The following RANBP3L variants were observed in gnomAD, a reference collection of about 807,000 sequenced individuals.
RANBP3L encodes RAN binding protein 3 like, also known as ran-binding protein 3-like.
Under a neutral mutation model 67.2 loss-of-function variants are expected in RANBP3L, and 56 were observed. The observed-to-expected ratio is 0.83, with a 90% confidence interval of 0.67 to 1.04. RANBP3L has a LOEUF of 1.04. Among genes scored for constraint, RANBP3L ranks in the 50% least tolerant of loss-of-function variants. The pLI is 0.00. For synonymous variants in RANBP3L, 164 were observed against 181.4 expected (o/e 0.90, Z 0.77); for missense variants, 496 against 535.5 (o/e 0.93, Z 0.73).
rs1381105872 is a variant in RANBP3L at position 36,269,935 on chromosome 5, G to A, written c.190+16C>T. ...GTATAAAGATTGATTTTGGAATACAGGATGAAAATCATTACCTGGTTCTGC... is the reference window on the plus strand; with the variant it reads ...GTATAAAGATTGATTTTGGAATACAAGATGAAAATCATTACCTGGTTCTGC... On this transcript the variant is annotated intron_variant, in intron 3 of 13. Transcript: ENST00000296604. 6 of 1,607,482 alleles carry A rather than the reference G, an allele frequency of 3.7e-6. No individual in the cohort carries two copies. Among genetic ancestry groups the A allele is most frequent in the South Asian group, 2.2e-5 (2 of 90,958 alleles).
At chr5:36,252,135 G>A (rs1210746637) in intron 12 of RANBP3L, among the ~76,000 whole-genome samples, 1 of 151,934 alleles carries the variant, frequency 6.6e-6, no homozygotes, top group Admixed American at 6.6e-5. Flanking sequence ...CAAAATATAA[G>A]CAGCACAGGT....
Position 36,251,367 on chromosome 5 carries a change from C to G in RANBP3L, c.1300G>C (p.Glu434Gln), listed in dbSNP as rs745462557. The G allele has an allele frequency of 6.2e-7, 1 of 1,613,342 alleles. No individual in the cohort carries two copies. Residue 434 changes from glutamate to glutamine, a missense_variant, in exon 13 of 14, where the codon GAA becomes CAA. Glu to Gln is a conservative substitution (Grantham distance 29, BLOSUM62 2). Coordinates refer to ENST00000296604, the MANE Select transcript of RANBP3L (RefSeq NM_145000.5). The stretch of plus-strand genomic sequence containing the variant: ...TCATCCTCATTCTCATCACAGCTTT[C>G]GCAGTTCAATTGTTGGGCTGTTTCT... Reference protein sequence around the residue: ...LSETAQQLNCESCDENEDDFI... With the variant: ...LSETAQQLNCQSCDENEDDFI...
chr5:36,285,500 C>A (rs902111436), intron 1 of RANBP3L, among the ~76,000 whole-genome samples: 53 of 152,318 alleles, frequency 3.5e-4, no homozygotes, highest in African/African-American at 1.3e-3. Flanking sequence ...CAGGATCAGC[C>A]TCCTGAATTT....
chr5:36,257,672 T>A, intron 8 of RANBP3L, 116 bp from the exon 9 acceptor site: 1 of 465,516 alleles, frequency 2.1e-6, no homozygotes, highest in Non-Finnish European at 3.9e-6. Flanking sequence ...CAAACCTAGC[T>A]GGTATGTTTT....
chr5:36,287,799 A>G (rs997945014), intron 1 of RANBP3L, among the ~76,000 whole-genome samples: 18 of 152,238 alleles, frequency 1.2e-4, no homozygotes, highest in Non-Finnish European at 7.3e-5. Flanking sequence ...TAAAAGCAAC[A>G]ATAAAATACC....
At chr5:36,300,073 T>C (rs1402061804) in intron 1 of RANBP3L, among the ~76,000 whole-genome samples, 1 of 152,150 alleles carries the variant, frequency 6.6e-6, no homozygotes, top group Non-Finnish European at 1.5e-5. Flanking sequence ...ATATTAGCAA[T>C]TGAAGTGGGG....
rs1336649492 is a variant in RANBP3L, at chr5:36,248,531, G to A, written c.*1123C>T. Reference sequence around the variant, plus strand: ...AAAATGTGTGTTTGCATATCCAAATGAATATTGTTCTTCGAAGCATCACTT... The same window carrying A: ...AAAATGTGTGTTTGCATATCCAAATAAATATTGTTCTTCGAAGCATCACTT... On this transcript the variant is annotated 3_prime_UTR_variant, in exon 14 of 14. Coordinates refer to ENST00000296604, the MANE Select transcript of RANBP3L (RefSeq NM_145000.5). The A allele has an allele frequency of 1.3e-5, 2 of 152,086 alleles. No homozygotes were observed. The highest frequency in any genetic ancestry group is 2.9e-5 in the Non-Finnish European group (2 of 67,992). 9.4% of individuals were successfully genotyped at this position (152,086 alleles called of 1,614,324 possible).
intron 4 of RANBP3L, among the ~76,000 whole-genome samples, chr5:36,268,666 A>C (rs1749981977): frequency 6.6e-6 from 1 of 152,110 alleles, no homozygotes; most frequent in African/African-American, 2.4e-5. Context: ...GTGTATGATA[A>C]AATTATTTTC....
chr5:36,297,226 G>A (rs1752280516), intron 1 of RANBP3L, among the ~76,000 whole-genome samples: 1 of 152,030 alleles, frequency 6.6e-6, no homozygotes. Context: ...AAACCATAAT[G>A]AAGAGAAATA....
Position 36,260,807 on chromosome 5 carries a change from A to G in RANBP3L, c.642T>C (p.Phe214=). 6.4e-7 allele frequency: 1 copy of G among 1,562,498 alleles called. No individual in the cohort carries two copies. Among genetic ancestry groups the G allele is most frequent in the Non-Finnish European group, 8.8e-7 (1 of 1,137,434 alleles). The change falls in exon 8 of 14, where the codon TTT becomes TTC. Residue 214 remains phenylalanine (F), a synonymous_variant. Coordinates refer to ENST00000296604, the MANE Select transcript of RANBP3L (RefSeq NM_145000.5). The part of the protein sequence containing the change: ...SFKSCSSNFV[F]GENMVERVLG... ...AAACTCTTTCTACCATGTTTTCTCC[A>G]AAAACAAAATTGGAACTGCAGCTTT...
At chr5:36,285,260 G>A (rs1298742803) in intron 1 of RANBP3L, among the ~76,000 whole-genome samples, 2 of 152,176 alleles carry the variant, frequency 1.3e-5, no homozygotes, top group Non-Finnish European at 2.9e-5. Context: ...GCATTACCAC[G>A]AAAGAATAAT....
intron 1 of RANBP3L, among the ~76,000 whole-genome samples, chr5:36,297,972 A>G (rs1752344736): frequency 1.3e-5 from 2 of 152,182 alleles, no homozygotes; most frequent in Admixed American, 1.3e-4. Flanking sequence ...AAGGACACGA[A>G]GCATTTTAGC....
In RANBP3L at chr5:36,251,482, T is replaced by C. The variant is rs1178622353; in HGVS notation, c.1185A>G (p.Thr395=). Residue 395 remains threonine (T), a synonymous_variant, in exon 13 of 14, where the codon ACA becomes ACG. Coordinates refer to ENST00000296604, the MANE Select transcript of RANBP3L (RefSeq NM_145000.5). ...GATGTATTGCTGCATACAAATATGCTGTATCTTGGGCACTGGCCTGCATGA... is the reference window on the plus strand; with the variant it reads ...GATGTATTGCTGCATACAAATATGCCGTATCTTGGGCACTGGCCTGCATGA... ...IFLIQASAQD[T]AYLYAAIHHR... 3.1e-6 allele frequency: 5 copies of C among 1,610,648 alleles called. No individual in the cohort carries two copies. In the East Asian group the frequency reaches 1.1e-4, roughly 36 times the overall value.
At chr5:36,283,630 G>A (rs1442415202) in intron 1 of RANBP3L, among the ~76,000 whole-genome samples, 7 of 151,282 alleles carry the variant, frequency 4.6e-5, no homozygotes, top group Admixed American at 2.0e-4. Context: ...ACAGCCAATC[G>A]TAGACCAAAA....
chr5:36,301,288 G>A, intron 1 of RANBP3L, 38 bp downstream of exon 1: 2 of 1,470,354 alleles, frequency 1.4e-6, no homozygotes, highest in Non-Finnish European at 1.9e-6. Flanking sequence ...TGCACAGAAG[G>A]TCACAGAATA....
chr5:36,260,745 G>A lies in RANBP3L; in HGVS notation c.669+35C>T, dbSNP rs755451051. ...TTTAGAAATTTAAAGTGACAGCTCT[G>A]TATATAGTAATAGAAACATATACCA... On this transcript the variant is annotated intron_variant, in intron 8 of 13. Coordinates refer to ENST00000296604, the MANE Select transcript of RANBP3L (RefSeq NM_145000.5). The A allele has an allele frequency of 5.3e-5, 47 of 891,944 alleles. No individual in the cohort carries two copies. The African/African-American group carries it at 6.9e-4, about 13-fold the overall frequency. 55.3% of individuals were successfully genotyped at this position (891,944 alleles called of 1,614,324 possible). A position where few individuals can be genotyped will look rare whatever the true frequency, so the allele number is the denominator to read the frequency against.
chr5:36,298,029 G>A (rs771363917), intron 1 of RANBP3L, among the ~76,000 whole-genome samples: 19 of 151,966 alleles, frequency 1.3e-4, no homozygotes, highest in East Asian at 3.9e-4. Flanking sequence ...AGGTCAGTGC[G>A]GTGGCTTATG....
chr5:36,285,928 A>G (rs1006351499), intron 1 of RANBP3L, among the ~76,000 whole-genome samples: 6 of 152,156 alleles, frequency 3.9e-5, no homozygotes, highest in Admixed American at 3.3e-4. Context: ...ATCTGGCAAG[A>G]CCTGTACCCT....
chr5:36,273,383 CA>C (rs1175512464), intron 1 of RANBP3L, among the ~76,000 whole-genome samples: 1 of 152,108 alleles, frequency 6.6e-6, no homozygotes, highest in South Asian at 2.1e-4. Context: ...GGGCATATAG[CA>C]AAGTAAAAAG....
Sources: gnomAD v4.1 joint callset for allele counts (sites outside exome capture counted in the v4.1 genomes callset) on GRCh38, gnomAD v4.1.1 for gene constraint, MANE v1.5 for transcripts, NCBI Gene and HGNC (gene_info 2026-07-23, HGNC 2026-07-21) for gene names.